The following NKAIN1 variants were observed in gnomAD, a reference collection of about 807,000 sequenced individuals.
NKAIN1 encodes sodium/potassium-transporting ATPase subunit beta-1-interacting protein 1.
NKAIN1 carries 13 observed loss-of-function variants against 31.6 expected under a neutral mutation model. The observed-to-expected ratio is 0.41, with a 90% CI of 0.27 to 0.65. NKAIN1 has a LOEUF of 0.65. Among genes scored for constraint, NKAIN1 ranks in the 30% least tolerant of loss-of-function variants. The probability of loss-of-function intolerance (pLI) is 0.30; values close to 1 mark genes in which losing one functional copy is unlikely to be tolerated. For synonymous variants in NKAIN1, 104 were observed against 109.0 expected, an observed-to-expected ratio of 0.95 and a Z score of 0.28; for missense variants, 193 against 262.2, an observed-to-expected ratio of 0.74 and a Z score of 1.82.
intron 1 of NKAIN1, among the ~76,000 whole-genome samples, chr1:31,190,149 A>G (rs1645274659): frequency 1.3e-5 from 2 of 152,214 alleles, no homozygotes; most frequent in African/African-American, 2.4e-5. Flanking sequence ...GTGAGAAGAT[A>G]TAAGAAGCCT....
chr1:31,200,002 C>CAT (rs1468779945), intron 1 of NKAIN1, among the ~76,000 whole-genome samples: 5 of 134,490 alleles, frequency 3.7e-5, no homozygotes. Flanking sequence ...CACACACACA[C>CAT]GCACACACAT....
chr1:31,215,346 G>A (rs772843761), intron 1 of NKAIN1, among the ~76,000 whole-genome samples: 17 of 152,132 alleles, frequency 1.1e-4, no homozygotes, highest in Admixed American at 6.5e-4. Context: ...GTCTTGGCTC[G>A]GACCCAGCAT....
intron 1 of NKAIN1, among the ~76,000 whole-genome samples, chr1:31,227,940 C>T (rs1645620356): frequency 1.3e-5 from 2 of 152,166 alleles, no homozygotes; most frequent in African/African-American, 4.8e-5. Flanking sequence ...TCCCCCTGGC[C>T]AGCCCCTCCA....
intron 1 of NKAIN1, among the ~76,000 whole-genome samples, chr1:31,234,974 C>A (rs1460272052): frequency 1.3e-5 from 2 of 152,172 alleles, no homozygotes; most frequent in African/African-American, 4.8e-5. Context: ...AACACATCTA[C>A]CCCACTGTGT....
At chr1:31,216,216 T>C (rs1645510774) in intron 1 of NKAIN1, among the ~76,000 whole-genome samples, 2 of 151,824 alleles carry the variant, frequency 1.3e-5, no homozygotes, top group Admixed American at 6.6e-5. Flanking sequence ...GTTGGATCTG[T>C]TGGAGGAAGC....
intron 1 of NKAIN1, 55 bp from the exon 2 acceptor site, chr1:31,188,242 G>C: frequency 6.5e-7 from 1 of 1,536,830 alleles, no homozygotes; most frequent in Non-Finnish European, 8.8e-7. Context: ...GAAGGACAGG[G>C]ATTCCTGCTT....
chr1:31,239,501 A>C lies in NKAIN1; in HGVS notation c.47T>G (p.Leu16Arg). 7.1e-7 allele frequency: 1 copy of C among 1,414,218 alleles called. No individual in the cohort carries two copies. Among genetic ancestry groups the C allele is most frequent in the Non-Finnish European group, 9.2e-7 (1 of 1,088,312 alleles). 87.6% of individuals were successfully genotyped at this position (1,414,218 alleles called of 1,614,324 possible). A position where few individuals can be genotyped will look rare whatever the true frequency, so the allele number is the denominator to read the frequency against. The change falls in exon 1 of 7, where the codon CTG becomes CGG. Residue 16 changes from leucine to arginine, a missense_variant. Transcript: ENST00000373736. The surrounding 1 kb of genome is among the most constrained non-coding windows in gnomAD (Gnocchi z 4.8). ...GRCTLVAFCC[L>R]QLVAALERQI... ...TGGGCACGCGACGCTTACCAGCTGCAGGCAGCAGAAGGCGACCAGCGTGCA... is the reference window on the plus strand; with the variant it reads ...TGGGCACGCGACGCTTACCAGCTGCCGGCAGCAGAAGGCGACCAGCGTGCA...
chr1:31,198,142 T>C (rs978008431), intron 1 of NKAIN1, among the ~76,000 whole-genome samples: 2 of 152,164 alleles, frequency 1.3e-5, no homozygotes, highest in Admixed American at 6.5e-5. Flanking sequence ...GTATTTTCAG[T>C]GGTGAGACCA....
At chr1:31,232,672 T>C (rs971357774) in intron 1 of NKAIN1, among the ~76,000 whole-genome samples, 17 of 151,404 alleles carry the variant, frequency 1.1e-4, no homozygotes, top group African/African-American at 3.6e-4. Context: ...GAAGAGTAGT[T>C]TGGGAGTCTC....
At position 31,218,071 on chromosome 1, in the gene NKAIN1, T is replaced by TCTTTCTTTCTTTCTTTC. The variant is rs201070152; in HGVS notation, c.54+21422_54+21423insGAAAGAAAGAAAGAAAG. The stretch of plus-strand genomic sequence containing the variant: ...TTCTTTCTTTCTTTCTTTCTTTCTT[T>TCTTTCTTTCTTTCTTTC]TTTTTTTTTGAGATGGAGTCTCGCT... On this transcript the variant is annotated intron_variant, in intron 1 of 6. Coordinates refer to ENST00000373736, the MANE Select transcript of NKAIN1 (RefSeq NM_024522.3). Among the ~76,000 whole-genome samples the TCTTTCTTTCTTTCTTTC allele has an allele frequency of 8.5e-3, 1,131 of 132,966 alleles. 6 individuals are homozygous for TCTTTCTTTCTTTCTTTC. Among genetic ancestry groups the TCTTTCTTTCTTTCTTTC allele is most frequent in the Admixed American group, 0.022 (265 of 11,878 alleles). 87.2% of individuals were successfully genotyped at this position (132,966 alleles called of 152,430 possible).
At chr1:31,218,153 C>T (rs1231266031) in intron 1 of NKAIN1, among the ~76,000 whole-genome samples, 2 of 151,446 alleles carry the variant, frequency 1.3e-5, no homozygotes, top group African/African-American at 4.9e-5. Flanking sequence ...GCCTCTGCCT[C>T]CCAGGTTCAA....
chr1:31,205,127 C>T (rs180714085), intron 1 of NKAIN1, among the ~76,000 whole-genome samples: 37 of 151,964 alleles, frequency 2.4e-4, no homozygotes, highest in African/African-American at 8.2e-4. Context: ...TAAATTATCA[C>T]GGATTGGACA....
At position 31,214,942 on chromosome 1, in the gene NKAIN1, C is replaced by T. The variant is rs115687115; in HGVS notation, c.54+24552G>A. ...GATGGGACACTAAGCCCTCCGGGCG[C>T]CCCCTAGGGCCAAACATCATGCTGG... On this transcript the variant is annotated intron_variant, in intron 1 of 6. Coordinates refer to ENST00000373736, the MANE Select transcript of NKAIN1 (RefSeq NM_024522.3). 6.3e-3 allele frequency among the ~76,000 whole-genome samples: 964 copies of T among 152,336 alleles called. 15 individuals carry two copies. Among genetic ancestry groups the T allele is most frequent in the African/African-American group, 0.022 (904 of 41,584 alleles).
intron 1 of NKAIN1, among the ~76,000 whole-genome samples, chr1:31,202,347 C>T (rs1645386822): frequency 6.6e-6 from 1 of 152,194 alleles, no homozygotes; most frequent in African/African-American, 2.4e-5. Context: ...GGCCAAACGG[C>T]CCAGGGTGCT....
chr1:31,197,085 G>T, intron 1 of NKAIN1, among the ~76,000 whole-genome samples: 1 of 147,168 alleles, frequency 6.8e-6, no homozygotes, highest in African/African-American at 2.5e-5. Flanking sequence ...TTTCCACAGT[G>T]CTTATGATTG....
At position 31,234,302 on chromosome 1, in the gene NKAIN1, G is replaced by A. The variant is rs1342910175; in HGVS notation, c.54+5192C>T. Among the ~76,000 whole-genome samples, 3 of 152,208 alleles carry A rather than the reference G, an allele frequency of 2.0e-5. No individual in the cohort carries two copies. The East Asian group carries it at 5.8e-4, about 29-fold the overall frequency. On this transcript the variant is annotated intron_variant, in intron 1 of 6. Coordinates refer to ENST00000373736, the MANE Select transcript of NKAIN1 (RefSeq NM_024522.3). ...ACCCTCCCGAGGAAGCCGTGAGCTT[G>A]CAGCTGCAGCTGCTCCAGAGTGCAG...
chr1:31,202,692 A>AAAT (rs1370717864), intron 1 of NKAIN1, among the ~76,000 whole-genome samples: 1 of 130,080 alleles, frequency 7.7e-6, no homozygotes, highest in Non-Finnish European at 1.6e-5. Flanking sequence ...AAAAAAAAAA[A>AAAT]ATCAGGCTGT....
intron 1 of NKAIN1, among the ~76,000 whole-genome samples, chr1:31,201,473 C>T (rs1645379610): frequency 6.6e-6 from 1 of 151,918 alleles, no homozygotes; most frequent in Non-Finnish European, 1.5e-5. Flanking sequence ...ATCCTCCTGC[C>T]TCAGCCTCCC....
At chr1:31,200,023 A>G (rs1645365240) in intron 1 of NKAIN1, among the ~76,000 whole-genome samples, 2 of 96,888 alleles carry the variant, frequency 2.1e-5, no homozygotes, top group Admixed American at 1.3e-4. Flanking sequence ...GCACACACAC[A>G]CGCACACACA....
Sources: allele counts gnomAD v4.1 joint callset (sites outside exome capture counted in the v4.1 genomes callset), GRCh38; gene constraint gnomAD v4.1.1; non-coding constraint Gnocchi (gnomAD v3.1); transcripts MANE v1.5; gene names NCBI Gene and HGNC (gene_info 2026-07-23, HGNC 2026-07-21).